Variants in COCH observed in about 807,000 individuals in gnomAD.
COCH encodes cochlin.
In COCH, 40 loss-of-function variants were observed where a neutral mutation model predicts 54.8. The ratio of observed to expected loss-of-function variants is 0.73; its 90% CI spans 0.57 to 0.95. The LOEUF (loss-of-function observed/expected upper bound fraction) is 0.95, where lower values mean the gene tolerates loss of function less well. Ranked by LOEUF, COCH falls within the 40% of genes least tolerant of loss-of-function variation. The pLI, the probability that COCH is intolerant of heterozygous loss-of-function variation, is 0.00. For missense variants in COCH, 605 were observed against 675.0 expected (o/e 0.90, Z 1.15); for synonymous variants, 256 against 237.9 (o/e 1.08, Z -0.70).
rs200011660 is a variant in COCH, at chr14:30,877,766, A to T, written c.239+38A>T. 6.2e-7 allele frequency: 1 copy of T among 1,613,436 alleles called. No individual in the cohort carries two copies. Reference sequence around the variant, plus strand: ...ACACCAGGGTGGGAGAGAAATGCAGACGTGATTATTTCCTTTCCTGCTTTA... The same window carrying T: ...ACACCAGGGTGGGAGAGAAATGCAGTCGTGATTATTTCCTTTCCTGCTTTA... On this transcript the variant is annotated intron_variant, in intron 4 of 11. Coordinates refer to ENST00000396618, the MANE Select transcript of COCH (RefSeq NM_004086.3). The surrounding 1 kb of genome is among the most constrained non-coding windows in gnomAD (Gnocchi z 8.6).
At chr14:30,885,178 C>T in intron 9 of COCH, 14 of 1,156,300 alleles carry the variant, frequency 1.2e-5, no homozygotes, top group Non-Finnish European at 1.5e-5. Flanking sequence ...ACTAATATGG[C>T]TTGTGAAGAT....
At chr14:30,875,185 C>T in intron 3 of COCH, 82 bp downstream of exon 3, 12 of 1,528,374 alleles carry the variant, frequency 7.9e-6, no homozygotes, top group Non-Finnish European at 1.1e-5. Flanking sequence ...GATCCAGCCC[C>T]TTGGGCTTCA....
rs2295127 is a variant in COCH at position 30,880,264 on chromosome 14, C to A, written c.437-188C>A. ...GATTAGGGCATATCAAATATGTAGG[C>A]CTACATACTGATTTGTTTATTTGTT... On this transcript the variant is annotated intron_variant, in intron 6 of 11. Transcript: ENST00000396618. Among the ~76,000 whole-genome samples, 11,359 of 152,104 alleles carry A rather than the reference C, an allele frequency of 0.075. 807 individuals carry two copies. The highest frequency in any genetic ancestry group is 0.19 in the African/African-American group (7,681 of 41,474).
downstream of COCH, among the ~76,000 whole-genome samples, chr14:30,891,629 G>C (rs1895984486): frequency 6.6e-6 from 1 of 152,188 alleles, no homozygotes; most frequent in African/African-American, 2.4e-5. Context: ...AGCATAGTAT[G>C]ATTTTTCCCC....
chr14:30,884,029 G>A (rs1450553913), intron 8 of COCH, among the ~76,000 whole-genome samples: 1 of 152,194 alleles, frequency 6.6e-6, no homozygotes, highest in African/African-American at 2.4e-5. Flanking sequence ...GTCCCACACT[G>A]GAACAGACCC....
At chr14:30,885,367 ATTTG>A in intron 9 of COCH, 23 bp from the exon 10 acceptor site, 1 of 1,558,942 alleles carries the variant, frequency 6.4e-7, no homozygotes, top group African/African-American at 1.4e-5. Flanking sequence ...GGTAAAGGCT[ATTTG>A]TTTGCTTCTT....
downstream of COCH, chr14:30,895,391 C>T (rs371829950): frequency 1.9e-5 from 30 of 1,580,964 alleles, no homozygotes; most frequent in Middle Eastern, 1.7e-4. Context: ...AATCTTGTTA[C>T]GATGCAAGTT....
rs1193911815 is a variant in COCH, at chr14:30,879,432, G to C, written c.383G>C (p.Ser128Thr). 1.9e-6 allele frequency: 3 copies of C among 1,613,896 alleles called. No homozygotes were observed. The highest frequency in any genetic ancestry group is 1.7e-5 in the Admixed American group (1 of 59,992). Reference protein sequence around the residue: ...SASFTVTKGKSSTQEATGQAV... With the variant: ...SASFTVTKGKTSTQEATGQAV... ...ATTTTTATTTTAACAGAAGGCAAAA[G>C]TAGTACACAGGAGGCCACAGGACAA... Residue 128 changes from serine (S) to threonine (T), a missense_variant, in exon 6 of 12, where the codon AGT (serine) becomes ACT (threonine). Ser to Thr is a moderately conservative substitution (Grantham distance 58). Transcript: ENST00000396618.
At chr14:30,889,383 C>G in intron 11 of COCH, 1 of 520,232 alleles carries the variant, frequency 1.9e-6, no homozygotes. Context: ...TGATGACTTA[C>G]CTGTTAATGT....
chr14:30,880,339 T>TA lies in COCH; in HGVS notation c.437-107dup. On this transcript the variant is annotated intron_variant, in intron 6 of 11. Coordinates refer to ENST00000396618, the MANE Select transcript of COCH (RefSeq NM_004086.3). ...AAAATCCTGAGGAAATTAATTTTTT[T>TA]AAAAAAGTCCTTTCAAGAATGGCAC... The TA allele has an allele frequency of 2.0e-6, 3 of 1,495,280 alleles. No homozygotes were observed. The South Asian group carries it at 3.7e-5, about 19-fold the overall frequency. The allele number at this position is 1,495,280 out of a possible 1,614,324, so 92.6% of individuals were successfully genotyped here.
At chr14:30,879,887 T>C (rs1306003849) in intron 6 of COCH, among the ~76,000 whole-genome samples, 1 of 152,124 alleles carries the variant, frequency 6.6e-6, no homozygotes, top group Admixed American at 6.6e-5. Context: ...GGTTTTGAAC[T>C]CCTGACCTCA....
chr14:30,882,120 G>GTTTGTTTTTTT (rs1895617702), intron 8 of COCH, among the ~76,000 whole-genome samples: 1 of 67,894 alleles, frequency 1.5e-5, no homozygotes. Context: ...CTATAAAATG[G>GTTTGTTTTTTT]TTTTTTTTTT....
At position 30,880,741 on chromosome 14, in the gene COCH, AC is replaced by A; in HGVS notation, c.629+9del. ...TGGGCCTTGTTCAAGCCAGGTACCA[AC>A]CTTGTTAAAATGGGAGATTTAAAAA... On this transcript the variant is annotated splice_region_variant and intron_variant, in intron 8 of 11. Coordinates refer to ENST00000396618, the MANE Select transcript of COCH (RefSeq NM_004086.3). The A allele has an allele frequency of 6.2e-7, 1 of 1,608,828 alleles. No homozygotes were observed. Among genetic ancestry groups the A allele is most frequent in the East Asian group, 2.2e-5 (1 of 44,788 alleles).
rs1895617844 is a variant in COCH, at chr14:30,882,120, G to GTTTTGTTTTTTTTTTT, written c.629+1390_629+1391insGTTTTTTTTTTTTTTT. Reference sequence around the variant, plus strand: ...CCCTAGAGATAATCACTATAAAATGGTTTTTTTTTTTTTTTTTTTTTTTTT... The same window carrying GTTTTGTTTTTTTTTTT: ...CCCTAGAGATAATCACTATAAAATGGTTTTGTTTTTTTTTTTTTTTTTTTTTTTTTTTTTTTTTTTT... On this transcript the variant is annotated intron_variant, in intron 8 of 11. Transcript: ENST00000396618. Among the ~76,000 whole-genome samples, 38 of 67,908 alleles carry GTTTTGTTTTTTTTTTT rather than the reference G, an allele frequency of 5.6e-4. 1 individual carries two copies. The East Asian group carries it at 8.0e-3, about 14-fold the overall frequency. The allele number at this position is 67,908 out of a possible 152,430, so 44.6% of individuals were successfully genotyped here.
chr14:30,885,963 C>T lies in COCH; in HGVS notation c.1128C>T (p.Ser376=), dbSNP rs146166304. The T allele has an allele frequency of 3.2e-4, 521 of 1,614,186 alleles. No homozygotes were observed. The highest frequency in any genetic ancestry group is 4.2e-4 in the Non-Finnish European group (501 of 1,180,024). ...TTGCCTTTCTAATTGATGGCTCCAG[C>T]AGTGTTGGAGATAGCAATTTCCGCC... ...VNIAFLIDGS[S]SVGDSNFRLM... Residue 376 remains serine (S), a synonymous_variant, in exon 11 of 12, where the codon AGC becomes AGT. Coordinates refer to ENST00000396618, the MANE Select transcript of COCH (RefSeq NM_004086.3).
chr14:30,891,488 T>C (rs1895981261), downstream of COCH, among the ~76,000 whole-genome samples: 1 of 152,210 alleles, frequency 6.6e-6, no homozygotes, highest in South Asian at 2.1e-4. Context: ...GAATTGACTT[T>C]TTCACTACAT....
chr14:30,882,540 CA>C (rs368638521), intron 8 of COCH, among the ~76,000 whole-genome samples: 8,550 of 152,134 alleles, frequency 0.056, 394 homozygotes, highest in East Asian at 0.25. Flanking sequence ...AGCATTTTCT[CA>C]TATCACAAAT....
chr14:30,889,691 A>G lies in COCH; in HGVS notation c.1553A>G (p.Glu518Gly), dbSNP rs17097468. 1,798 of 1,613,950 alleles carry G rather than the reference A, an allele frequency of 1.1e-3. 25 individuals are homozygous for G. In the African/African-American group the frequency reaches 0.02, roughly 18 times the overall value. The change falls in exon 12 of 12, where the codon GAG becomes GGG. Residue 518 changes from glutamate to glycine, a missense_variant. By Grantham distance (98) the Glu-to-Gly change is moderately conservative (BLOSUM62 -2). Coordinates refer to ENST00000396618, the MANE Select transcript of COCH (RefSeq NM_004086.3). The part of the protein sequence containing the change: ...DLKDMASKPK[E>G]SHAFFTREFT... ...AAAGATATGGCTTCTAAACCGAAGG[A>G]GTCTCATGCTTTCTTCACAAGAGAG...
chr14:30,894,916 A>G, downstream of COCH: 2 of 1,112,138 alleles, frequency 1.8e-6, no homozygotes, highest in Non-Finnish European at 2.3e-6. Context: ...TTTAAAGCAA[A>G]ATAAGTTTAA....
Sources: allele counts gnomAD v4.1 joint callset (sites outside exome capture counted in the v4.1 genomes callset), GRCh38; gene constraint gnomAD v4.1.1; non-coding constraint Gnocchi (gnomAD v3.1); transcripts MANE v1.5; gene names NCBI Gene and HGNC (gene_info 2026-07-23, HGNC 2026-07-21).